RANBP2: variants seen among roughly 807,000 people sequenced by gnomAD.
RANBP2 encodes the protein E3 SUMO-protein ligase RanBP2.
RANBP2 carries 57 observed loss-of-function variants against 303.6 expected under a neutral mutation model. The observed-to-expected ratio is 0.19, with a 90% CI of 0.15 to 0.23. The LOEUF (loss-of-function observed/expected upper bound fraction) is 0.23. RANBP2 is among the 10% of genes least tolerant of loss of function. RANBP2 has a pLI of 1.00. For synonymous variants in RANBP2, 1,167 were observed against 1,301.5 expected (o/e 0.90, Z 2.23); for missense variants, 3,138 against 3,780.8 (o/e 0.83, Z 4.46).
the RANBP2 span, among the ~76,000 whole-genome samples, chr2:109,482,294 A>G: frequency 6.6e-6 from 1 of 152,164 alleles, no homozygotes; most frequent in South Asian, 2.1e-4. Flanking sequence ...AATAATTATC[A>G]TTATATTTAG....
chr2:108,828,228 A>G, the RANBP2 span, among the ~76,000 whole-genome samples: 1 of 152,228 alleles, frequency 6.6e-6, no homozygotes, highest in Admixed American at 6.5e-5. Flanking sequence ...TATAACATTA[A>G]ATATTTATCA....
At position 108,755,173 on chromosome 2, in the gene RANBP2, T is replaced by TTC. The variant is rs780670196; in HGVS notation, c.2383-3_2383-2insTC. On this transcript the variant is annotated splice_polypyrimidine_tract_variant and splice_region_variant and intron_variant, in intron 16 of 28. Transcript: ENST00000283195. ...CTGTTTTGTTATTTTTATTTTTTTT[T>TTC]AGTATTCTCCCAAAACACCACCTCG... 4 of 1,611,922 alleles carry TTC rather than the reference T, an allele frequency of 2.5e-6. No homozygotes were observed. The African/African-American group carries it at 5.3e-5, about 22-fold the overall frequency.
chr2:109,575,088 T>C, the RANBP2 span, among the ~76,000 whole-genome samples: 1 of 152,232 alleles, frequency 6.6e-6, no homozygotes, highest in Non-Finnish European at 1.5e-5. Flanking sequence ...TTCAGTATCA[T>C]TTGTACTTCC....
chr2:108,735,914 T>A, intron 5 of RANBP2, 152 bp downstream of exon 5: 1 of 1,502,298 alleles, frequency 6.7e-7, no homozygotes, highest in African/African-American at 1.4e-5. Context: ...TCAGTTAAAT[T>A]TATAATGGGA....
At chr2:109,404,889 G>A in the RANBP2 span, among the ~76,000 whole-genome samples, 1 of 152,120 alleles carries the variant, frequency 6.6e-6, no homozygotes, top group South Asian at 2.1e-4. Context: ...ACTTGACGCT[G>A]TGGACAGCAC....
chr2:109,075,663 TAA>T, the RANBP2 span, among the ~76,000 whole-genome samples: 1 of 125,006 alleles, frequency 8.0e-6, no homozygotes, highest in African/African-American at 3.0e-5. Context: ...ATCTGAGAAA[TAA>T]AAAGGATCAT....
chr2:109,441,132 C>CAAAAAAAA, the RANBP2 span, among the ~76,000 whole-genome samples: 9,915 of 132,992 alleles, frequency 0.075, 572 homozygotes, highest in African/African-American at 0.15. Flanking sequence ...TATAGGAATA[C>CAAAAAAAA]AAAAAAAAAA....
At chr2:108,990,076 A>G in the RANBP2 span, among the ~76,000 whole-genome samples, 1 of 152,072 alleles carries the variant, frequency 6.6e-6, no homozygotes, top group East Asian at 1.9e-4. Context: ...CGGGCAGATC[A>G]CTTGAGGTCA....
chr2:109,680,151 C>A, the RANBP2 span, among the ~76,000 whole-genome samples: 1 of 149,670 alleles, frequency 6.7e-6, no homozygotes, highest in Non-Finnish European at 1.5e-5. Context: ...CGAGACCATC[C>A]TGGCTAACAT....
chr2:109,149,200 C>T, the RANBP2 span, among the ~76,000 whole-genome samples: 1 of 152,134 alleles, frequency 6.6e-6, no homozygotes, highest in Admixed American at 6.5e-5. Context: ...CACTGCTGTC[C>T]TTGGTCCACA....
At chr2:109,475,490 C>T in the RANBP2 span, among the ~76,000 whole-genome samples, 3 of 152,216 alleles carry the variant, frequency 2.0e-5, no homozygotes, top group Admixed American at 6.5e-5. Flanking sequence ...CAGCCTGGGG[C>T]GCTGAAGCCA....
At chr2:109,259,998 G>A in the RANBP2 span, among the ~76,000 whole-genome samples, 5 of 152,230 alleles carry the variant, frequency 3.3e-5, no homozygotes, top group Admixed American at 2.0e-4. Context: ...TTTCTTCTCC[G>A]GCCAGAGATA....
At chr2:108,972,788 G>A in the RANBP2 span, among the ~76,000 whole-genome samples, 396 of 152,244 alleles carry the variant, frequency 2.6e-3, 1 homozygote, top group African/African-American at 9.2e-3. Flanking sequence ...GGTGAGGACC[G>A]GGGGGCCTCC....
chr2:109,698,532 T>C, the RANBP2 span, among the ~76,000 whole-genome samples: 1 of 152,022 alleles, frequency 6.6e-6, no homozygotes, highest in Non-Finnish European at 1.5e-5. Flanking sequence ...ATAATGTTTT[T>C]CTATAGCTCC....
chr2:109,535,162 T>C, the RANBP2 span, among the ~76,000 whole-genome samples: 40 of 152,336 alleles, frequency 2.6e-4, no homozygotes, highest in South Asian at 8.3e-4. Context: ...ATGCAAACAA[T>C]GGACGATGCA....
the RANBP2 span, chr2:108,813,076 C>T: frequency 4.4e-3 from 2,446 of 557,974 alleles, 61 homozygotes; most frequent in African/African-American, 0.044. Context: ...GGTGAAACCC[C>T]GTTTCTACTA....
the RANBP2 span, among the ~76,000 whole-genome samples, chr2:109,623,739 G>A: frequency 0.057 from 8,671 of 152,246 alleles, 696 homozygotes; most frequent in East Asian, 0.24. Context: ...GCTTTGGTCC[G>A]TAATCAACCT....
intron 9 of RANBP2, among the ~76,000 whole-genome samples, chr2:108,750,312 T>A (rs561090590): frequency 1.7e-4 from 26 of 152,362 alleles, no homozygotes; most frequent in Admixed American, 1.7e-3. Flanking sequence ...ATAATCTTTT[T>A]TATGAAGTAG....
the RANBP2 span, among the ~76,000 whole-genome samples, chr2:108,800,374 C>T: frequency 6.6e-6 from 1 of 152,078 alleles, no homozygotes; most frequent in Non-Finnish European, 1.5e-5. Flanking sequence ...AAGCGATTCT[C>T]CTGCCTTAAT....
Sources: allele counts gnomAD v4.1 joint callset (sites outside exome capture counted in the v4.1 genomes callset), GRCh38; gene constraint gnomAD v4.1.1; transcripts MANE v1.5; gene names NCBI Gene and HGNC (gene_info 2026-07-23, HGNC 2026-07-21).